Variants in SP140L observed in about 807,000 individuals in gnomAD.
SP140L encodes nuclear body protein SP140-like protein.
A neutral mutation model predicts 84.3 loss-of-function variants in SP140L; 64 were observed. The observed-to-expected ratio is 0.76, with a 90% CI of 0.62 to 0.94. The LOEUF (loss-of-function observed/expected upper bound fraction) is 0.94, where lower values mean the gene tolerates loss of function less well. Ranked by LOEUF, SP140L falls within the 40% of genes least tolerant of loss-of-function variation. The pLI is 0.00. For missense variants in SP140L, 628 were observed against 692.5 expected, an observed-to-expected ratio of 0.91 and a Z score of 1.05; for synonymous variants, 242 against 236.9, an observed-to-expected ratio of 1.02 and a Z score of -0.20.
chr2:230,359,786 A>G (rs1405213325), intron 4 of SP140L, among the ~76,000 whole-genome samples: 3 of 152,214 alleles, frequency 2.0e-5, no homozygotes, highest in Non-Finnish European at 2.9e-5. Context: ...AGAATAATGA[A>G]CAAGAAAATT....
intron 2 of SP140L, among the ~76,000 whole-genome samples, chr2:230,339,110 T>C (rs1405173451): frequency 1.9e-4 from 28 of 148,564 alleles, no homozygotes; most frequent in African/African-American, 7.0e-4. Flanking sequence ...AATTCGGCTG[T>C]GAATCCATCT....
intron 2 of SP140L, among the ~76,000 whole-genome samples, chr2:230,332,184 T>C (rs2059742725): frequency 6.6e-6 from 1 of 152,216 alleles, no homozygotes; most frequent in Admixed American, 6.5e-5. Context: ...AAATGTTTGC[T>C]AAAGAATCTT....
intron 5 of SP140L, among the ~76,000 whole-genome samples, chr2:230,370,047 C>A (rs1248478311): frequency 6.6e-6 from 1 of 152,176 alleles, no homozygotes; most frequent in African/African-American, 2.4e-5. Context: ...GCTGGGATTA[C>A]AGGCATGAGC....
Position 230,402,978 on chromosome 2 carries a change from G to GCT in SP140L, c.*83_*84insTC. ...TCAAACTGAGAGCACTTGGGAAATA[G>GCT]CACATGCAGGGAGAGGCTTTTCTCT... On this transcript the variant is annotated 3_prime_UTR_variant, in exon 19 of 19. Transcript: ENST00000415673. The GCT allele has an allele frequency of 9.0e-7, 1 of 1,112,868 alleles. No homozygotes were observed. Among genetic ancestry groups the GCT allele is most frequent in the Non-Finnish European group, 1.3e-6 (1 of 763,894 alleles). 68.9% of individuals were successfully genotyped at this position (1,112,868 alleles called of 1,614,324 possible).
chr2:230,364,958 G>T (rs916618203), intron 5 of SP140L, among the ~76,000 whole-genome samples: 27 of 152,010 alleles, frequency 1.8e-4, no homozygotes, highest in African/African-American at 6.3e-4. Context: ...TTTGTGTGTT[G>T]AACCATCCAT....
intron 2 of SP140L, among the ~76,000 whole-genome samples, chr2:230,354,873 G>GAAAGAA (rs1559420197): frequency 8.6e-6 from 1 of 116,312 alleles, no homozygotes; most frequent in Non-Finnish European, 1.8e-5. Context: ...AAGAAAGAAA[G>GAAAGAA]AAAGAAAGAA....
At chr2:230,336,620 A>G (rs2059890561) in intron 2 of SP140L, among the ~76,000 whole-genome samples, 1 of 152,186 alleles carries the variant, frequency 6.6e-6, no homozygotes, top group South Asian at 2.1e-4. Flanking sequence ...TTACACATCT[A>G]CTTAACCCAG....
chr2:230,345,483 G>A (rs1464754846), intron 2 of SP140L, among the ~76,000 whole-genome samples: 1 of 151,832 alleles, frequency 6.6e-6, no homozygotes, highest in Non-Finnish European at 1.5e-5. Context: ...TTTGATTGGA[G>A]AATTTAATCC....
At chr2:230,346,207 T>C (rs2060205013) in intron 2 of SP140L, among the ~76,000 whole-genome samples, 1 of 152,198 alleles carries the variant, frequency 6.6e-6, no homozygotes, top group Non-Finnish European at 1.5e-5. Context: ...GTCACCCTAA[T>C]CTCTCCTGGG....
Position 230,348,349 on chromosome 2 carries a change from G to A in SP140L, c.108-9456G>A, listed in dbSNP as rs138095576. 1.2e-4 allele frequency among the ~76,000 whole-genome samples: 19 copies of A among 152,314 alleles called. No homozygotes were observed. The East Asian group carries it at 3.7e-3, about 29-fold the overall frequency. On this transcript the variant is annotated intron_variant, in intron 2 of 18. Coordinates refer to ENST00000415673, the MANE Select transcript of SP140L (RefSeq NM_138402.6). The stretch of plus-strand genomic sequence containing the variant: ...ACTGTTTCCAGAAGACCATTTCATA[G>A]CAATGTGTAAGGGTTCCAGTTTTTC...
At chr2:230,346,708 T>A (rs945160143) in intron 2 of SP140L, among the ~76,000 whole-genome samples, 5 of 152,204 alleles carry the variant, frequency 3.3e-5, no homozygotes, top group African/African-American at 1.2e-4. Flanking sequence ...TTGTATTTTT[T>A]AGATCTAGGA....
chr2:230,369,579 T>C (rs543478313), intron 5 of SP140L, among the ~76,000 whole-genome samples: 12 of 151,850 alleles, frequency 7.9e-5, no homozygotes, highest in South Asian at 4.2e-4. Flanking sequence ...GAAACAGGAG[T>C]GTATGAATAG....
intron 2 of SP140L, among the ~76,000 whole-genome samples, chr2:230,348,930 T>C (rs7587298): frequency 0.14 from 21,161 of 152,226 alleles, 2,165 homozygotes; most frequent in East Asian, 0.47. Flanking sequence ...ATTAAGGATT[T>C]CAGAACAGTG....
chr2:230,341,443 G>A lies in SP140L; in HGVS notation c.107+12612G>A, dbSNP rs113597736. Among the ~76,000 whole-genome samples, 9 of 109,276 alleles carry A rather than the reference G, an allele frequency of 8.2e-5. 1 individual carries two copies. The highest frequency in any genetic ancestry group is 7.3e-4 in the South Asian group (2 of 2,744). 71.7% of individuals were successfully genotyped at this position (109,276 alleles called of 152,430 possible). On this transcript the variant is annotated intron_variant, in intron 2 of 18. Coordinates refer to ENST00000415673, the MANE Select transcript of SP140L (RefSeq NM_138402.6). The stretch of plus-strand genomic sequence containing the variant: ...TTCTTTGCCTTTGGTTTGAATGTCC[G>A]CCCGTAGCTCAGAGTAATTTGATCG...
intron 5 of SP140L, among the ~76,000 whole-genome samples, chr2:230,363,380 A>T (rs2060778875): frequency 6.6e-6 from 1 of 152,056 alleles, no homozygotes; most frequent in South Asian, 2.1e-4. Flanking sequence ...GGTGATAGTC[A>T]TTGTGGTTTC....
At chr2:230,383,469 T>C in intron 7 of SP140L, 41 bp from the exon 8 acceptor site, 1 of 1,537,300 alleles carries the variant, frequency 6.5e-7, no homozygotes, top group East Asian at 2.4e-5. Flanking sequence ...TAATTATATT[T>C]ATTCCTCTGT....
chr2:230,401,264 G>A lies in SP140L; in HGVS notation c.1423-102G>A, dbSNP rs1480052785. On this transcript the variant is annotated intron_variant, in intron 16 of 18. Transcript: ENST00000415673. ...CTGTTTCCAAGAGCCACACATGTTA[G>A]AGAAACTTGAGGAAGAAGGGTGTGA... The A allele has an allele frequency of 1.5e-5, 24 of 1,593,914 alleles. No individual in the cohort carries two copies. In the East Asian group the frequency reaches 4.5e-4, roughly 30 times the overall value.
At chr2:230,358,730 TA>T (rs1346901920) in intron 3 of SP140L, among the ~76,000 whole-genome samples, 1 of 152,352 alleles carries the variant, frequency 6.6e-6, no homozygotes, top group Admixed American at 6.5e-5. Context: ...TGCTCCTTTT[TA>T]CATCTAATGT....
At chr2:230,332,962 T>G (rs2149675667) in intron 2 of SP140L, among the ~76,000 whole-genome samples, 1 of 152,328 alleles carries the variant, frequency 6.6e-6, no homozygotes, top group East Asian at 1.9e-4. Flanking sequence ...CATTTTGGCT[T>G]ACCGCATTAT....
Sources: gnomAD v4.1 joint callset for allele counts (sites outside exome capture counted in the v4.1 genomes callset) on GRCh38, gnomAD v4.1.1 for gene constraint, MANE v1.5 for transcripts, NCBI Gene and HGNC (gene_info 2026-07-23, HGNC 2026-07-21) for gene names.